OPCML: variants seen among roughly 807,000 people sequenced by gnomAD.
OPCML encodes the protein opioid-binding protein/cell adhesion molecule.
In OPCML, 13 loss-of-function variants were observed where a neutral mutation model predicts 37.8. The ratio of observed to expected loss-of-function variants is 0.34; its 90% confidence interval spans 0.22 to 0.55. OPCML has a LOEUF of 0.55. Ranked by LOEUF, OPCML falls within the 20% of genes least tolerant of loss-of-function variation. The pLI is 0.91. For missense variants in OPCML, 341 were observed against 435.6 expected (o/e 0.78, Z 1.93); for synonymous variants, 176 against 168.8 (o/e 1.04, Z -0.33).
intron 1 of OPCML, among the ~76,000 whole-genome samples, chr11:133,162,432 T>G (rs1399305777): frequency 6.6e-6 from 1 of 152,220 alleles, no homozygotes. Flanking sequence ...CTCTAGCTCA[T>G]GTTTGCTTAA....
chr11:133,458,596 C>CGT (rs375652958), intron 1 of OPCML, among the ~76,000 whole-genome samples: 2 of 95,678 alleles, frequency 2.1e-5, no homozygotes, highest in South Asian at 2.7e-4. Context: ...CATATATACA[C>CGT]GTGTGTGTGT....
At chr11:133,268,527 T>C (rs1215668850) in intron 1 of OPCML, among the ~76,000 whole-genome samples, 1 of 152,222 alleles carries the variant, frequency 6.6e-6, no homozygotes, top group East Asian at 1.9e-4. Context: ...AATTAAATAA[T>C]GAATGCTAGG....
chr11:132,953,530 T>C (rs1318500611), intron 1 of OPCML, among the ~76,000 whole-genome samples: 1 of 152,078 alleles, frequency 6.6e-6, no homozygotes, highest in Non-Finnish European at 1.5e-5. Flanking sequence ...TCACACCTCA[T>C]ATAGTTCTAT....
In OPCML at chr11:133,532,416, G is replaced by C; in HGVS notation, c.-92C>G. 6.8e-7 allele frequency: 1 copy of C among 1,480,616 alleles called. No individual in the cohort carries two copies. The highest frequency in any genetic ancestry group is 9.3e-7 in the Non-Finnish European group (1 of 1,080,620). The allele number at this position is 1,480,616 out of a possible 1,614,324, so 91.7% of individuals were successfully genotyped here. A position where few individuals can be genotyped will look rare whatever the true frequency, so the allele number is the denominator to read the frequency against. The stretch of plus-strand genomic sequence containing the variant: ...TTCCTCTGTGCTGAATTCTGAGCAG[G>C]TTTAAATCCAATGTTTGCAAAGGGA... On this transcript the variant is annotated 5_prime_UTR_variant, in exon 1 of 8. Transcript: ENST00000524381.
intron 1 of OPCML, among the ~76,000 whole-genome samples, chr11:133,307,681 T>C (rs1942960918): frequency 6.6e-6 from 1 of 152,168 alleles, no homozygotes; most frequent in Non-Finnish European, 1.5e-5. Context: ...TTAGATGTTC[T>C]TATCAAGTAG....
intron 4 of OPCML, among the ~76,000 whole-genome samples, chr11:132,484,603 A>G (rs1201378522): frequency 6.6e-6 from 1 of 152,332 alleles, no homozygotes; most frequent in South Asian, 2.1e-4. Flanking sequence ...ATGCTGCTAT[A>G]AAGACACATG....
intron 3 of OPCML, among the ~76,000 whole-genome samples, chr11:132,557,516 T>C (rs1405485190): frequency 6.6e-6 from 1 of 152,194 alleles, no homozygotes; most frequent in Non-Finnish European, 1.5e-5. Flanking sequence ...TTTAGTGGGC[T>C]GTCCAATGAA....
At chr11:133,369,288 A>G (rs1165303236) in intron 1 of OPCML, among the ~76,000 whole-genome samples, 3 of 152,258 alleles carry the variant, frequency 2.0e-5, no homozygotes, top group African/African-American at 7.2e-5. Flanking sequence ...TTAAATACAA[A>G]TGAGAAAAGT....
intron 1 of OPCML, among the ~76,000 whole-genome samples, chr11:133,336,268 C>T (rs544967949): frequency 2.0e-5 from 3 of 152,010 alleles, no homozygotes; most frequent in Non-Finnish European, 4.4e-5. Context: ...GAAGGAGATC[C>T]ACTAGGTATG....
At chr11:133,314,567 A>G (rs949086972) in intron 1 of OPCML, among the ~76,000 whole-genome samples, 2 of 151,820 alleles carry the variant, frequency 1.3e-5, no homozygotes, top group Admixed American at 1.3e-4. Context: ...GAAAAAAAAA[A>G]AAAAGAAAGA....
At position 133,127,660 on chromosome 11, in the gene OPCML, T is replaced by C. The variant is rs891094027; in HGVS notation, c.62-184650A>G. 2.6e-5 allele frequency among the ~76,000 whole-genome samples: 4 copies of C among 151,418 alleles called. No homozygotes were observed. In the South Asian group the frequency reaches 8.3e-4, roughly 32 times the overall value. On this transcript the variant is annotated intron_variant, in intron 1 of 7. Coordinates refer to ENST00000524381, the MANE Select transcript of OPCML (RefSeq NM_001012393.5). Reference sequence around the variant, plus strand: ...AAAAAAAAAAAAGTCATTTATCTAATAAATATTTACTAATTATCTACAATG... The same window carrying C: ...AAAAAAAAAAAAGTCATTTATCTAACAAATATTTACTAATTATCTACAATG...
In OPCML at chr11:133,010,100, C is replaced by T. The variant is rs540415800; in HGVS notation, c.62-67090G>A. Among the ~76,000 whole-genome samples the T allele has an allele frequency of 1.1e-3, 172 of 152,324 alleles. 1 individual carries two copies. The highest frequency in any genetic ancestry group is 1.3e-3 in the Non-Finnish European group (87 of 68,028). The stretch of plus-strand genomic sequence containing the variant: ...GATGCCTTTGCATTTTGAATCCCTA[C>T]TGTCCTGTCCACTCTTCAAGGAGCA... On this transcript the variant is annotated intron_variant, in intron 1 of 7. Transcript: ENST00000524381.
intron 2 of OPCML, among the ~76,000 whole-genome samples, chr11:132,807,159 A>C: frequency 6.6e-6 from 1 of 152,186 alleles, no homozygotes; most frequent in East Asian, 1.9e-4. Flanking sequence ...AGACACAAAG[A>C]AACAACAAAC....
chr11:132,530,230 C>G (rs879922922), intron 3 of OPCML, among the ~76,000 whole-genome samples: 12 of 151,978 alleles, frequency 7.9e-5, no homozygotes, highest in Non-Finnish European at 1.6e-4. Flanking sequence ...AGGACCATGC[C>G]CATGTACCCA....
At chr11:132,733,522 A>G (rs368185801) in intron 2 of OPCML, among the ~76,000 whole-genome samples, 19 of 152,266 alleles carry the variant, frequency 1.2e-4, no homozygotes, top group African/African-American at 4.6e-4. Context: ...GAAGGTTTGG[A>G]ATGGTAATCC....
intron 2 of OPCML, among the ~76,000 whole-genome samples, chr11:132,889,104 G>A (rs185201294): frequency 2.2e-4 from 33 of 152,318 alleles, no homozygotes; most frequent in African/African-American, 7.5e-4. Context: ...GCAATGTATA[G>A]AGAACATCTA....
At chr11:132,425,814 T>G (rs1293668740) in intron 7 of OPCML, among the ~76,000 whole-genome samples, 1 of 152,220 alleles carries the variant, frequency 6.6e-6, no homozygotes. Flanking sequence ...TCCTAATGAA[T>G]GGCAGCTATT....
At chr11:132,846,797 A>T (rs2136317611) in intron 2 of OPCML, among the ~76,000 whole-genome samples, 1 of 152,062 alleles carries the variant, frequency 6.6e-6, no homozygotes, top group South Asian at 2.1e-4. Flanking sequence ...GTGACAGGGA[A>T]CTCCCTACCT....
intron 3 of OPCML, among the ~76,000 whole-genome samples, chr11:132,648,225 G>A (rs765904228): frequency 6.6e-6 from 1 of 152,176 alleles, no homozygotes; most frequent in African/African-American, 2.4e-5. Flanking sequence ...AATCTATCAG[G>A]AGAGTTTATG....
Sources: gnomAD v4.1 joint callset for allele counts (sites outside exome capture counted in the v4.1 genomes callset) on GRCh38, gnomAD v4.1.1 for gene constraint, MANE v1.5 for transcripts, NCBI Gene and HGNC (gene_info 2026-07-23, HGNC 2026-07-21) for gene names.